The following SMARCA4 variants were observed in gnomAD, a reference collection of about 807,000 sequenced individuals.
SMARCA4 encodes SWI/SNF-related matrix-associated actin-dependent regulator of chromatin subfamily A member 4.
A neutral mutation model predicts 193.9 loss-of-function variants in SMARCA4; 31 were observed. The ratio of observed to expected loss-of-function variants is 0.16; its 90% CI spans 0.12 to 0.22. The LOEUF (loss-of-function observed/expected upper bound fraction) is 0.22. SMARCA4 is among the 10% of genes least tolerant of loss of function. The pLI is 1.00. For synonymous variants in SMARCA4, 942 were observed against 933.1 expected (o/e 1.01, Z -0.17); for missense variants, 1,148 against 2,296.0 (o/e 0.50, Z 10.22).
At chr19:11,013,973 G>T (rs1252370573) in intron 16 of SMARCA4, among the ~76,000 whole-genome samples, 1 of 152,112 alleles carries the variant, frequency 6.6e-6, no homozygotes, top group Non-Finnish European at 1.5e-5. Context: ...GCACTAAAGG[G>T]GGACCTGCCT....
intron 8 of SMARCA4, among the ~76,000 whole-genome samples, chr19:10,992,181 G>T (rs1178245077): frequency 6.7e-6 from 1 of 149,714 alleles, no homozygotes; most frequent in Non-Finnish European, 1.5e-5. Context: ...GTGCAATCTC[G>T]GCTCACTGCA....
intron 8 of SMARCA4, among the ~76,000 whole-genome samples, chr19:10,992,713 C>T (rs980099702): frequency 1.3e-5 from 2 of 151,420 alleles, no homozygotes; most frequent in South Asian, 2.1e-4. Context: ...CTCAGCCTCC[C>T]AAGTAGCTGG....
chr19:11,052,431 G>A (rs979811778), intron 30 of SMARCA4, among the ~76,000 whole-genome samples: 2 of 152,072 alleles, frequency 1.3e-5, no homozygotes, highest in Admixed American at 1.3e-4. Flanking sequence ...AGAGAGGCTG[G>A]CATGTGGGGC....
At chr19:11,004,532 C>T (rs769710164) in intron 13 of SMARCA4, among the ~76,000 whole-genome samples, 7 of 152,012 alleles carry the variant, frequency 4.6e-5, no homozygotes, top group Non-Finnish European at 7.4e-5. Flanking sequence ...ATTACAGGCA[C>T]GAACCAGTGC....
intron 1 of SMARCA4, among the ~76,000 whole-genome samples, chr19:10,976,745 C>T (rs1029756804): frequency 5.1e-5 from 7 of 137,346 alleles, no homozygotes; most frequent in African/African-American, 1.9e-4. Context: ...CAGAGCGAGA[C>T]CCTGTCTCAA....
chr19:11,048,400 G>A (rs12052200), intron 30 of SMARCA4, among the ~76,000 whole-genome samples: 35,865 of 152,044 alleles, frequency 0.24, 5,152 homozygotes, highest in East Asian at 0.37. Context: ...ATGCCTGGCC[G>A]GAATTTTTGT....
At chr19:11,006,318 G>A (rs1373953044) in intron 13 of SMARCA4, among the ~76,000 whole-genome samples, 1 of 152,240 alleles carries the variant, frequency 6.6e-6, no homozygotes, top group Non-Finnish European at 1.5e-5. Flanking sequence ...CAACATGAAT[G>A]ATTAAACAAG....
intron 30 of SMARCA4, among the ~76,000 whole-genome samples, chr19:11,046,232 A>C (rs1321499397): frequency 3.9e-5 from 6 of 152,176 alleles, no homozygotes; most frequent in Admixed American, 3.9e-4. Context: ...CAAAAAAAAA[A>C]AAAAAACCCC....
chr19:10,972,294 C>A (rs2084737063), intron 1 of SMARCA4, among the ~76,000 whole-genome samples: 1 of 152,074 alleles, frequency 6.6e-6, no homozygotes, highest in South Asian at 2.1e-4. Flanking sequence ...TGGGGTTTCA[C>A]CATGTTGGTC....
chr19:10,995,412 C>A (rs1295268899), intron 9 of SMARCA4: 1 of 463,152 alleles, frequency 2.2e-6, no homozygotes, highest in Non-Finnish European at 4.3e-6. Context: ...TGTACGGGGA[C>A]ATGGCCCCTG....
intron 16 of SMARCA4, chr19:11,018,471 C>T (rs747359575): frequency 3.1e-5 from 9 of 286,038 alleles, no homozygotes; most frequent in South Asian, 1.1e-4. Flanking sequence ...AGCCAGGCCC[C>T]GCCTCGCCCC....
At chr19:11,059,382 A>G (rs901388663) in intron 32 of SMARCA4, among the ~76,000 whole-genome samples, 2 of 152,152 alleles carry the variant, frequency 1.3e-5, no homozygotes, top group African/African-American at 4.8e-5. Context: ...TTCCTCTCAG[A>G]AAAAAGACTT....
At chr19:11,018,813 C>T (rs965715715) in intron 16 of SMARCA4, 144 bp from the exon 17 acceptor site, 12 of 781,638 alleles carry the variant, frequency 1.5e-5, no homozygotes, top group Non-Finnish European at 2.6e-5. Flanking sequence ...CTCCCTCCCT[C>T]AGCTGCCCTA....
chr19:11,023,900 TG>T (rs1275728535), intron 20 of SMARCA4, among the ~76,000 whole-genome samples: 1 of 152,236 alleles, frequency 6.6e-6, no homozygotes, highest in Non-Finnish European at 1.5e-5. Context: ...CGGGCTCTCC[TG>T]GCCACATCAG....
At position 10,986,974 on chromosome 19, in the gene SMARCA4, C is replaced by T. The variant is rs2086109422; in HGVS notation, c.830C>T (p.Pro277Leu). ...GVPPGMPGQP[P>L]GGPPKPWPEG... The stretch of plus-strand genomic sequence containing the variant: ...CCCCCCGGGATGCCAGGCCAGCCTC[C>T]TGGAGGGCCTCCCAAGCCCTGGCCT... Residue 277 changes from proline to leucine, a missense_variant, in exon 5 of 35, where the codon CCT becomes CTT. Around this residue, in one of 17 missense-constraint regions of SMARCA4, gnomAD observed 257 missense variants for 276.5 expected, o/e 0.93. Transcript: ENST00000344626. The surrounding 1 kb of genome is among the most constrained non-coding windows in gnomAD (Gnocchi z 6.7). The T allele has an allele frequency of 6.2e-7, 1 of 1,607,992 alleles. No individual in the cohort carries two copies. Among genetic ancestry groups the T allele is most frequent in the East Asian group, 2.2e-5 (1 of 44,880 alleles).
At position 11,033,034 on chromosome 19, in the gene SMARCA4, C is replaced by T. The variant is rs2146641789; in HGVS notation, c.3547-256C>T. ...CCCTGGGGGGTTGGTGCTTTCTTCC[C>T]GAATATCTGTGGGGTCCCAATAAGG... On this transcript the variant is annotated intron_variant, in intron 25 of 34. Transcript: ENST00000344626. The surrounding 1 kb of genome is among the most constrained non-coding windows in gnomAD (Gnocchi z 9.8). 3.5e-6 allele frequency: 2 copies of T among 579,036 alleles called. No individual in the cohort carries two copies. Among genetic ancestry groups the T allele is most frequent in the Non-Finnish European group, 6.2e-6 (2 of 321,850 alleles). 35.9% of individuals were successfully genotyped at this position (579,036 alleles called of 1,614,324 possible).
At position 11,031,912 on chromosome 19, in the gene SMARCA4, A is replaced by G. The variant is rs1022372232; in HGVS notation, c.3546+1019A>G. 7 of 152,162 alleles carry G rather than the reference A, an allele frequency of 4.6e-5. No homozygotes were observed. The highest frequency in any genetic ancestry group is 8.8e-5 in the Non-Finnish European group (6 of 68,042). The allele number at this position is 152,162 out of a possible 1,614,324, so 9.4% of individuals were successfully genotyped here. A position where few individuals can be genotyped will look rare whatever the true frequency, so the allele number is the denominator to read the frequency against. ...GTTTCACTCCTACGCTGGGGTGTGA[A>G]TGTACCCTGCCCTTCCCTGCAGCGT... On this transcript the variant is annotated intron_variant, in intron 25 of 34. Coordinates refer to ENST00000344626, the MANE Select transcript of SMARCA4 (RefSeq NM_003072.5). This position sits in a 1 kb window ranked among gnomAD's most constrained non-coding sequence, Gnocchi z 4.3.
At chr19:11,016,993 G>A (rs933572199) in intron 16 of SMARCA4, among the ~76,000 whole-genome samples, 1 of 152,014 alleles carries the variant, frequency 6.6e-6, no homozygotes, top group South Asian at 2.1e-4. Context: ...GTTGCTTCTG[G>A]GGTGTCATTG....
intron 21 of SMARCA4, 45 bp downstream of exon 21, chr19:11,024,483 A>G: frequency 7.8e-7 from 1 of 1,282,790 alleles, no homozygotes; most frequent in Non-Finnish European, 1.1e-6. Context: ...TGGGTGTCCA[A>G]GGCCGGCAGC....
Sources: gnomAD v4.1 joint callset for allele counts (sites outside exome capture counted in the v4.1 genomes callset) on GRCh38, gnomAD v4.1.1 for gene constraint, gnomAD v4.1.1 regional missense constraint, Gnocchi (gnomAD v3.1) non-coding constraint, MANE v1.5 for transcripts, NCBI Gene and HGNC (gene_info 2026-07-23, HGNC 2026-07-21) for gene names.